The following GRID2 variants were observed in gnomAD, a reference collection of about 807,000 sequenced individuals.
GRID2 encodes glutamate ionotropic receptor delta type subunit 2.
In GRID2, 33 loss-of-function variants were observed where a neutral mutation model predicts 114.8. The observed-to-expected ratio is 0.29, with a 90% confidence interval of 0.22 to 0.38. GRID2 has a LOEUF of 0.38. Ranked by LOEUF, GRID2 falls within the 10% of genes least tolerant of loss-of-function variation. GRID2 has a pLI of 1.00. For missense variants in GRID2, 1,184 were observed against 1,257.7 expected (o/e 0.94, Z 0.89); for synonymous variants, 505 against 449.9 (o/e 1.12, Z -1.55).
chr4:93,701,673 C>T (rs991646578), intron 14 of GRID2, among the ~76,000 whole-genome samples: 1 of 151,928 alleles, frequency 6.6e-6, no homozygotes, highest in Non-Finnish European at 1.5e-5. Context: ...TGCATAAAAA[C>T]TCCTCAATGG....
chr4:92,510,583 G>A (rs901412188), intron 1 of GRID2, among the ~76,000 whole-genome samples: 3 of 151,710 alleles, frequency 2.0e-5, no homozygotes, highest in Non-Finnish European at 4.4e-5. Flanking sequence ...GAAAGGAGAG[G>A]GGAAGATGGA....
At chr4:93,516,656 G>A (rs908121806) in intron 13 of GRID2, among the ~76,000 whole-genome samples, 6 of 151,982 alleles carry the variant, frequency 3.9e-5, no homozygotes, top group African/African-American at 7.2e-5. Flanking sequence ...AATGGGGTTC[G>A]GGTTGAGAGA....
At chr4:92,616,030 T>G (rs1313030646) in intron 2 of GRID2, among the ~76,000 whole-genome samples, 6 of 151,704 alleles carry the variant, frequency 4.0e-5, no homozygotes, top group Non-Finnish European at 8.9e-5. Flanking sequence ...AAATAAACTA[T>G]GTACACTATC....
At chr4:93,712,288 G>A (rs1258573042) in intron 14 of GRID2, among the ~76,000 whole-genome samples, 1 of 151,204 alleles carries the variant, frequency 6.6e-6, no homozygotes, top group East Asian at 1.9e-4. Flanking sequence ...AATCTACTTG[G>A]AATCTATCTT....
At chr4:93,562,553 A>G (rs1013343446) in intron 13 of GRID2, among the ~76,000 whole-genome samples, 1 of 152,034 alleles carries the variant, frequency 6.6e-6, no homozygotes, top group African/African-American at 2.4e-5. Flanking sequence ...AATGAAGTCC[A>G]GTTTATCAAT....
At chr4:93,008,862 A>G (rs1483182440) in intron 2 of GRID2, among the ~76,000 whole-genome samples, 1 of 152,096 alleles carries the variant, frequency 6.6e-6, no homozygotes, top group Admixed American at 6.6e-5. Context: ...AAAAAAGACT[A>G]CTCATTAATT....
intron 4 of GRID2, among the ~76,000 whole-genome samples, chr4:93,165,635 T>C (rs1560944236): frequency 1.3e-5 from 2 of 152,234 alleles, no homozygotes; most frequent in East Asian, 3.9e-4. Context: ...TGAAGCATGA[T>C]GTTTTAGTTT....
intron 1 of GRID2, among the ~76,000 whole-genome samples, chr4:92,340,896 A>G (rs1221029174): frequency 1.3e-5 from 2 of 152,202 alleles, no homozygotes; most frequent in Admixed American, 6.5e-5. Context: ...TTCTGAGACC[A>G]CAAAGCAGAC....
chr4:93,469,146 A>G (rs1473966723), intron 11 of GRID2, among the ~76,000 whole-genome samples: 2 of 152,096 alleles, frequency 1.3e-5, no homozygotes, highest in African/African-American at 4.8e-5. Flanking sequence ...TTCTTTTCTG[A>G]TAAATCTTCC....
chr4:92,465,172 A>G (rs1396548371), intron 1 of GRID2, among the ~76,000 whole-genome samples: 1 of 152,054 alleles, frequency 6.6e-6, no homozygotes, highest in East Asian at 1.9e-4. Flanking sequence ...GTGAGAATAG[A>G]CTAATACAGA....
intron 13 of GRID2, among the ~76,000 whole-genome samples, chr4:93,579,294 C>T (rs928902351): frequency 2.6e-5 from 4 of 152,234 alleles, no homozygotes; most frequent in East Asian, 3.9e-4. Context: ...CCAGAGGACA[C>T]GTTCATATCA....
chr4:92,658,071 GA>G (rs1490326008), intron 2 of GRID2, among the ~76,000 whole-genome samples: 1 of 151,622 alleles, frequency 6.6e-6, no homozygotes, highest in African/African-American at 2.4e-5. Flanking sequence ...TTTTTTACAT[GA>G]AATGGAGCTT....
intron 1 of GRID2, among the ~76,000 whole-genome samples, chr4:92,476,238 G>GA (rs1406313482): frequency 6.6e-6 from 1 of 151,988 alleles, no homozygotes; most frequent in African/African-American, 2.4e-5. Context: ...TGTTAGCCAG[G>GA]ATGGTCTCGA....
chr4:92,638,701 CTT>C lies in GRID2; in HGVS notation c.244+48416_244+48417del, dbSNP rs1230433140. Among the ~76,000 whole-genome samples, 15 of 149,838 alleles carry C rather than the reference CTT, an allele frequency of 1.0e-4. No individual in the cohort carries two copies. In the East Asian group the frequency reaches 2.2e-3, roughly 22 times the overall value. ...ATATAAGGAAAAACAGATGAGAACT[CTT>C]GTAAATAAAAGATTAATGAAATTTA... is the stretch of plus-strand genomic sequence containing the variant. On this transcript the variant is annotated intron_variant, in intron 2 of 15. Transcript: ENST00000282020.
At chr4:93,728,473 G>T (rs543484593) in intron 14 of GRID2, among the ~76,000 whole-genome samples, 1 of 152,280 alleles carries the variant, frequency 6.6e-6, no homozygotes, top group South Asian at 2.1e-4. Flanking sequence ...TTGATTTGGG[G>T]TGGAGAGTTC....
intron 8 of GRID2, among the ~76,000 whole-genome samples, chr4:93,267,407 G>T (rs1474229632): frequency 6.6e-6 from 1 of 152,202 alleles, no homozygotes; most frequent in East Asian, 1.9e-4. Flanking sequence ...GCCCCAGCAG[G>T]GGGTGGAGCA....
chr4:92,360,415 C>A (rs542730782), intron 1 of GRID2, among the ~76,000 whole-genome samples: 8 of 151,742 alleles, frequency 5.3e-5, no homozygotes, highest in African/African-American at 1.9e-4. Context: ...TTCATGAGTT[C>A]GAATAAAAAC....
chr4:93,538,125 A>AT (rs1305018441), intron 13 of GRID2, among the ~76,000 whole-genome samples: 2 of 151,788 alleles, frequency 1.3e-5, no homozygotes, highest in East Asian at 3.9e-4. Context: ...CTGTTCTTTA[A>AT]TAAAAAGTAC....
chr4:92,922,056 C>T (rs973552049), intron 2 of GRID2, among the ~76,000 whole-genome samples: 5 of 152,186 alleles, frequency 3.3e-5, no homozygotes, highest in Non-Finnish European at 5.9e-5. Context: ...GTGGGAGCCC[C>T]TCCCTCAGCC....
Sources: allele counts gnomAD v4.1 joint callset (sites outside exome capture counted in the v4.1 genomes callset), GRCh38; gene constraint gnomAD v4.1.1; transcripts MANE v1.5; gene names NCBI Gene and HGNC (gene_info 2026-07-23, HGNC 2026-07-21).